Variants in COL4A6 observed in about 807,000 individuals in gnomAD.
The protein encoded by COL4A6 is collagen type IV alpha 6 chain.
COL4A6 carries 59 observed loss-of-function variants against 126.7 expected under a neutral mutation model. The observed-to-expected ratio is 0.47, with a 90% confidence interval of 0.38 to 0.58. The LOEUF (loss-of-function observed/expected upper bound fraction) is 0.58, where lower values mean the gene tolerates loss of function less well. COL4A6 is among the 20% of genes least tolerant of loss of function. COL4A6 has a pLI of 0.00. For missense variants in COL4A6, 1,285 were observed against 1,337.3 expected (o/e 0.96, Z 0.61); for synonymous variants, 547 against 496.6 (o/e 1.10, Z -1.35).
intron 2 of COL4A6, among the ~76,000 whole-genome samples, chrX:108,336,115 C>A (rs758806796): frequency 5.4e-5 from 6 of 111,719 alleles, no homozygotes; most frequent in Admixed American, 9.5e-5. Context: ...TATGACTCAG[C>A]AATTGCATTG....
chrX:108,168,296 C>CTGCTTTG (rs1368541426), intron 37 of COL4A6, among the ~76,000 whole-genome samples: 8 of 112,204 alleles, frequency 7.1e-5, no homozygotes, highest in Non-Finnish European at 1.5e-4. Context: ...GGCTCGGACC[C>CTGCTTTG]TGCTTTGAGC....
chrX:108,186,882 C>T (rs1016950846), intron 23 of COL4A6, among the ~76,000 whole-genome samples: 5 of 111,184 alleles, frequency 4.5e-5, no homozygotes, highest in African/African-American at 1.3e-4. Flanking sequence ...AAGTTCTTCA[C>T]GAAGTAGGGT....
chrX:108,319,297 G>A (rs1010143826), intron 2 of COL4A6, among the ~76,000 whole-genome samples: 2 of 112,366 alleles, frequency 1.8e-5, no homozygotes, highest in Non-Finnish European at 3.8e-5. Context: ...TGGAGCCCAG[G>A]AGTTTGAGGC....
chrX:108,393,095 T>A (rs1692707942), intron 2 of COL4A6, among the ~76,000 whole-genome samples: 1 of 111,745 alleles, frequency 8.9e-6, no homozygotes, highest in African/African-American at 3.3e-5. Context: ...AAAAAGTTTA[T>A]GTAGAATTGT....
intron 3 of COL4A6, among the ~76,000 whole-genome samples, chrX:108,301,816 G>T (rs1239004192): frequency 9.0e-6 from 1 of 111,547 alleles, no homozygotes; most frequent in Non-Finnish European, 1.9e-5. Context: ...TTCCAGCCTT[G>T]CAATTTTATT....
intron 2 of COL4A6, among the ~76,000 whole-genome samples, chrX:108,325,250 G>A (rs1049329998): frequency 1.8e-5 from 2 of 112,060 alleles, no homozygotes; most frequent in Admixed American, 9.5e-5. Flanking sequence ...CAGTATTTTT[G>A]TCTCTAATTC....
intron 2 of COL4A6, among the ~76,000 whole-genome samples, chrX:108,396,998 G>T (rs1412165185): frequency 9.0e-6 from 1 of 111,156 alleles, no homozygotes; most frequent in Non-Finnish European, 1.9e-5. Context: ...CATGTATATG[G>T]TGCCTCTCCA....
intron 2 of COL4A6, among the ~76,000 whole-genome samples, chrX:108,323,669 C>T (rs746619448): frequency 8.9e-6 from 1 of 111,755 alleles, no homozygotes; most frequent in African/African-American, 3.3e-5. Context: ...GTTCTTTTTC[C>T]TTTTTGTAAA....
At position 108,159,925 on chromosome X, in the gene COL4A6, C is replaced by G. The variant is rs756574676; in HGVS notation, c.4526-177G>C. ...TGAGCAAATTCTATTTTAAATGCACCAGGGAAATTTGATAATAACAAGAAT... is the reference window on the plus strand; with the variant it reads ...TGAGCAAATTCTATTTTAAATGCACGAGGGAAATTTGATAATAACAAGAAT... On this transcript the variant is annotated intron_variant, in intron 43 of 44. Transcript: ENST00000334504. 13 of 530,703 alleles carry G rather than the reference C, an allele frequency of 2.4e-5. No homozygotes were observed. In the South Asian group the frequency reaches 3.0e-4, roughly 12 times the overall value. The allele number at this position is 530,703 out of a possible 1,213,427, so 43.7% of individuals were successfully genotyped here.
chrX:108,390,754 A>G (rs1351019793), intron 2 of COL4A6, among the ~76,000 whole-genome samples: 1 of 110,488 alleles, frequency 9.1e-6, no homozygotes, highest in Non-Finnish European at 1.9e-5. Context: ...CTCATTCTCC[A>G]TCCAGTTTTG....
intron 2 of COL4A6, among the ~76,000 whole-genome samples, chrX:108,316,800 G>T (rs776661102): frequency 8.9e-6 from 1 of 112,475 alleles, no homozygotes; most frequent in Non-Finnish European, 1.9e-5. Flanking sequence ...GGCAGTAAAT[G>T]AGAGAATATG....
chrX:108,253,240 T>C (rs974668420), intron 3 of COL4A6, among the ~76,000 whole-genome samples: 14 of 111,472 alleles, frequency 1.3e-4, no homozygotes, highest in Non-Finnish European at 2.5e-4. Flanking sequence ...TGATTTTATA[T>C]AAAAAAACCA....
chrX:108,240,197 T>A (rs2036535577), intron 3 of COL4A6, among the ~76,000 whole-genome samples: 1 of 111,376 alleles, frequency 9.0e-6, no homozygotes, highest in South Asian at 3.8e-4. Flanking sequence ...GAGCCAAGAT[T>A]GCGCCAATGA....
At chrX:108,389,453 C>T (rs1030169564) in intron 2 of COL4A6, among the ~76,000 whole-genome samples, 14 of 111,466 alleles carry the variant, frequency 1.3e-4, no homozygotes, top group African/African-American at 3.9e-4. Context: ...TGCATTGATC[C>T]CTTTACCATT....
At chrX:108,242,708 G>C (rs2036605716) in intron 3 of COL4A6, among the ~76,000 whole-genome samples, 1 of 111,140 alleles carries the variant, frequency 9.0e-6, no homozygotes, top group Non-Finnish European at 1.9e-5. Context: ...GAACCTAAAA[G>C]TGGTCGCTTG....
At chrX:108,379,997 T>A (rs746312251) in intron 2 of COL4A6, among the ~76,000 whole-genome samples, 1 of 111,307 alleles carries the variant, frequency 9.0e-6, no homozygotes, top group Admixed American at 9.6e-5. Context: ...CGCCAATATT[T>A]GATAATAATT....
At chrX:108,213,968 G>A (rs1050838249) in intron 6 of COL4A6, 144 bp downstream of exon 6, 4 of 502,176 alleles carry the variant, frequency 8.0e-6, no homozygotes, top group East Asian at 3.5e-5. Context: ...CTGTTGTGGT[G>A]CTGCCAGTAT....
chrX:108,372,565 G>A (rs183152468), intron 2 of COL4A6, among the ~76,000 whole-genome samples: 151 of 111,923 alleles, frequency 1.3e-3, no homozygotes, highest in African/African-American at 4.8e-3. Flanking sequence ...CAGTTTTCTG[G>A]GAGGGATGTT....
intron 6 of COL4A6, 64 bp from the exon 7 acceptor site, chrX:108,211,804 T>G: frequency 9.7e-7 from 1 of 1,025,911 alleles, no homozygotes; most frequent in Non-Finnish European, 1.4e-6. Context: ...AATTGCATTA[T>G]CTGATCAGAT....
Sources: allele counts gnomAD v4.1 joint callset (sites outside exome capture counted in the v4.1 genomes callset), GRCh38; gene constraint gnomAD v4.1.1; transcripts MANE v1.5; gene names NCBI Gene and HGNC (gene_info 2026-07-23, HGNC 2026-07-21).